CSMD1: variants seen among roughly 807,000 people sequenced by gnomAD.
CSMD1 encodes CUB and sushi domain-containing protein 1.
Under a neutral mutation model 417.5 loss-of-function variants are expected in CSMD1, and 213 were observed. The observed-to-expected ratio is 0.51, with a 90% CI of 0.46 to 0.57. The LOEUF (loss-of-function observed/expected upper bound fraction) is 0.57. Ranked by LOEUF, CSMD1 falls within the 20% of genes least tolerant of loss-of-function variation. The pLI is 0.00. For missense variants in CSMD1, 6,923 were observed against 4,529.7 expected, an observed-to-expected ratio of 1.53 and a Z score of -15.17; for synonymous variants, 2,862 against 1,736.8, an observed-to-expected ratio of 1.65 and a Z score of -16.11.
chr8:3,538,360 T>A (rs1004915824), intron 10 of CSMD1, among the ~76,000 whole-genome samples: 1 of 152,110 alleles, frequency 6.6e-6, no homozygotes, highest in African/African-American at 2.4e-5. Flanking sequence ...TCACCTGGGA[T>A]GATGCACCTG....
intron 5 of CSMD1, among the ~76,000 whole-genome samples, chr8:3,940,876 G>T (rs1306422378): frequency 2.8e-5 from 2 of 71,110 alleles, no homozygotes; most frequent in Non-Finnish European, 5.5e-5. Context: ...TCTTCCTTAT[G>T]CCATCTCCCT....
intron 3 of CSMD1, among the ~76,000 whole-genome samples, chr8:4,091,129 G>A (rs1414533338): frequency 6.6e-6 from 1 of 152,010 alleles, no homozygotes; most frequent in Non-Finnish European, 1.5e-5. Context: ...ATTTTGGCCA[G>A]GCTGGTCTCG....
intron 26 of CSMD1, among the ~76,000 whole-genome samples, chr8:3,240,821 A>G (rs979059882): frequency 6.6e-6 from 1 of 152,148 alleles, no homozygotes; most frequent in African/African-American, 2.4e-5. Context: ...TCCTGAACTA[A>G]CCTGTAAGGC....
chr8:4,470,801 C>A (rs1054381775), intron 2 of CSMD1, among the ~76,000 whole-genome samples: 9 of 152,324 alleles, frequency 5.9e-5, no homozygotes, highest in African/African-American at 1.7e-4. Flanking sequence ...TTGTCTAACA[C>A]ATTCTTACAG....
chr8:4,639,388 A>G (rs1486328518), intron 1 of CSMD1, among the ~76,000 whole-genome samples: 2 of 151,984 alleles, frequency 1.3e-5, no homozygotes, highest in Non-Finnish European at 2.9e-5. Context: ...GTGTGCTCTC[A>G]TAAACACACT....
intron 1 of CSMD1, among the ~76,000 whole-genome samples, chr8:4,895,283 A>T (rs552075721): frequency 2.1e-3 from 317 of 152,266 alleles, no homozygotes; most frequent in Middle Eastern, 6.8e-3. Flanking sequence ...TACGATTATG[A>T]AAATGGTAAG....
chr8:3,642,295 A>G (rs142871827), intron 7 of CSMD1, among the ~76,000 whole-genome samples: 1 of 152,326 alleles, frequency 6.6e-6, no homozygotes, highest in Non-Finnish European at 1.5e-5. Flanking sequence ...TGTGAAAAAG[A>G]GATCAGAAAG....
At chr8:3,426,993 G>A (rs1034710047) in intron 12 of CSMD1, among the ~76,000 whole-genome samples, 2 of 152,144 alleles carry the variant, frequency 1.3e-5, no homozygotes, top group Non-Finnish European at 2.9e-5. Flanking sequence ...GCGGCATGAA[G>A]GAGAGGAATG....
intron 11 of CSMD1, among the ~76,000 whole-genome samples, chr8:3,493,400 T>C (rs1796218423): frequency 6.6e-6 from 1 of 152,118 alleles, no homozygotes. Context: ...ATATATGTTT[T>C]TAATAATTGA....
At chr8:3,791,925 A>T (rs1304863653) in intron 5 of CSMD1, among the ~76,000 whole-genome samples, 1 of 152,196 alleles carries the variant, frequency 6.6e-6, no homozygotes, top group Non-Finnish European at 1.5e-5. Flanking sequence ...AAAAACCTCA[A>T]TAGCGTTTGC....
At chr8:3,654,973 G>A (rs570838740) in intron 7 of CSMD1, among the ~76,000 whole-genome samples, 6 of 152,236 alleles carry the variant, frequency 3.9e-5, no homozygotes, top group East Asian at 3.9e-4. Context: ...ATCTCAAACT[G>A]AAAATGCCAG....
intron 1 of CSMD1, among the ~76,000 whole-genome samples, chr8:4,908,623 C>G (rs1355121621): frequency 1.3e-5 from 2 of 151,424 alleles, no homozygotes; most frequent in Non-Finnish European, 1.5e-5. Context: ...CGAGTCTTTT[C>G]TAGGCTATAT....
rs187680228 is a variant in CSMD1 at position 3,026,550 on chromosome 8, C to T, written c.7855+2769G>A. ...CCTCACGGGGCCTGACTGGACCTCA[C>T]TGACTTCACTGGACCTCACCGGACC... On this transcript the variant is annotated intron_variant, in intron 51 of 69. Transcript: ENST00000635120. Among the ~76,000 whole-genome samples, 522 of 149,776 alleles carry T rather than the reference C, an allele frequency of 3.5e-3. 2 individuals are homozygous for T. The highest frequency in any genetic ancestry group is 0.012 in the African/African-American group (487 of 40,650).
At chr8:4,825,735 G>A (rs898858202) in intron 1 of CSMD1, among the ~76,000 whole-genome samples, 7 of 149,850 alleles carry the variant, frequency 4.7e-5, no homozygotes, top group African/African-American at 1.5e-4. Flanking sequence ...CTGGTAAGGG[G>A]TTAATATCTG....
At chr8:4,257,693 T>A (rs187482455) in intron 3 of CSMD1, among the ~76,000 whole-genome samples, 3 of 152,324 alleles carry the variant, frequency 2.0e-5, no homozygotes, top group East Asian at 3.9e-4. Context: ...TAGGTATGGA[T>A]TCTAACGTCA....
At chr8:3,627,563 C>T (rs543001089) in intron 7 of CSMD1, among the ~76,000 whole-genome samples, 12 of 152,170 alleles carry the variant, frequency 7.9e-5, no homozygotes, top group African/African-American at 2.9e-4. Flanking sequence ...TTACAGGTAT[C>T]TGTAAATGTG....
intron 10 of CSMD1, among the ~76,000 whole-genome samples, chr8:3,537,622 T>C (rs1447595271): frequency 6.6e-6 from 1 of 152,244 alleles, no homozygotes; most frequent in East Asian, 1.9e-4. Flanking sequence ...TTGTGTTTCC[T>C]TTAATGAAAT....
At chr8:4,954,148 T>G (rs773962605) in intron 1 of CSMD1, among the ~76,000 whole-genome samples, 15 of 152,164 alleles carry the variant, frequency 9.9e-5, no homozygotes, top group Non-Finnish European at 1.6e-4. Flanking sequence ...TAGGTTCAAA[T>G]AAGAACCAAC....
intron 7 of CSMD1, among the ~76,000 whole-genome samples, chr8:3,632,831 C>A (rs28469516): frequency 6.6e-6 from 1 of 152,016 alleles, no homozygotes; most frequent in Non-Finnish European, 1.5e-5. Flanking sequence ...CTATTGGTTC[C>A]CCTTCAGAGA....
Sources: gnomAD v4.1 joint callset for allele counts (sites outside exome capture counted in the v4.1 genomes callset) on GRCh38, gnomAD v4.1.1 for gene constraint, MANE v1.5 for transcripts, NCBI Gene and HGNC (gene_info 2026-07-23, HGNC 2026-07-21) for gene names.